The following MEP1A variants were observed in gnomAD, a reference collection of about 807,000 sequenced individuals.
The protein encoded by MEP1A is N-benzoyl-L-tyrosyl-P-amino-benzoic acid hydrolase subunit alpha.
Under a neutral mutation model 84.5 loss-of-function variants are expected in MEP1A, and 68 were observed. The ratio of observed to expected loss-of-function variants is 0.80; its 90% confidence interval spans 0.66 to 0.98. The LOEUF is 0.98. Ranked by LOEUF, MEP1A falls within the 50% of genes least tolerant of loss-of-function variation. The pLI is 0.00. For missense variants in MEP1A, 887 were observed against 919.9 expected (o/e 0.96, Z 0.46); for synonymous variants, 337 against 336.8 (o/e 1.00, Z -0.01).
At chr6:46,809,307 A>G (rs1767434189) in intron 5 of MEP1A, 113 bp from the exon 6 acceptor site, 1 of 670,992 alleles carries the variant, frequency 1.5e-6, no homozygotes, top group Non-Finnish European at 2.4e-6. Context: ...CAAAAACCCT[A>G]TCATGCACCT....
At chr6:46,845,276 C>T in the MEP1A span, among the ~76,000 whole-genome samples, 2 of 152,188 alleles carry the variant, frequency 1.3e-5, no homozygotes, top group South Asian at 4.1e-4. Context: ...CCTGCAGTCC[C>T]TTCCTCTATC....
chr6:46,807,835 GA>G (rs1341490608), intron 5 of MEP1A, among the ~76,000 whole-genome samples: 21 of 126,688 alleles, frequency 1.7e-4, no homozygotes, highest in Middle Eastern at 3.8e-3. Flanking sequence ...AAGAAAGAAA[GA>G]AAGGAAGAAA....
At chr6:46,834,980 C>T (rs1286324111) in intron 12 of MEP1A, among the ~76,000 whole-genome samples, 2 of 152,092 alleles carry the variant, frequency 1.3e-5, no homozygotes, top group Non-Finnish European at 2.9e-5. Flanking sequence ...CAGAGGTAAC[C>T]GTTCACTGAT....
chr6:46,841,388 T>A (rs1370191169), downstream of MEP1A, among the ~76,000 whole-genome samples: 1 of 152,214 alleles, frequency 6.6e-6, no homozygotes, highest in African/African-American at 2.4e-5. Flanking sequence ...GACATGTTAT[T>A]CAGCTTTTCT....
chr6:46,817,148 GT>G (rs1767659698), intron 6 of MEP1A, among the ~76,000 whole-genome samples: 1 of 152,202 alleles, frequency 6.6e-6, no homozygotes, highest in Admixed American at 6.5e-5. Context: ...CTGTGAAAAA[GT>G]GTATTTATCA....
chr6:46,822,635 C>T (rs1176633896), intron 7 of MEP1A, among the ~76,000 whole-genome samples: 1 of 152,134 alleles, frequency 6.6e-6, no homozygotes, highest in African/African-American at 2.4e-5. Flanking sequence ...CCTCCACCTC[C>T]TGGGTTCAAG....
intron 9 of MEP1A, among the ~76,000 whole-genome samples, chr6:46,828,851 C>T (rs1185284961): frequency 1.3e-5 from 2 of 152,030 alleles, no homozygotes; most frequent in East Asian, 1.9e-4. Flanking sequence ...GTAAAGATTA[C>T]TTTTTTGCCA....
chr6:46,825,240 T>C, intron 7 of MEP1A, 32 bp from the exon 8 acceptor site: 1 of 1,464,484 alleles, frequency 6.8e-7, no homozygotes, highest in Non-Finnish European at 9.4e-7. Context: ...ATAACATGAC[T>C]GAGAAGGACC....
At chr6:46,843,108 C>T (rs1768362083), downstream of MEP1A, among the ~76,000 whole-genome samples, 1 of 152,186 alleles carries the variant, frequency 6.6e-6, no homozygotes, top group African/African-American at 2.4e-5. Flanking sequence ...GGTTTCTGAA[C>T]CTCAGCCCTG....
At chr6:46,802,560 T>C (rs901070223) in intron 5 of MEP1A, among the ~76,000 whole-genome samples, 1 of 151,904 alleles carries the variant, frequency 6.6e-6, no homozygotes, top group African/African-American at 2.4e-5. Flanking sequence ...TTACACCATA[T>C]ATTGCTTTTT....
At chr6:46,821,314 GACCATCTTACCACCA>G (rs1361956810) in intron 7 of MEP1A, among the ~76,000 whole-genome samples, 1 of 152,082 alleles carries the variant, frequency 6.6e-6, no homozygotes, top group Non-Finnish European at 1.5e-5. Flanking sequence ...CACATACTCC[GACCATCTTACCACCA>G]CCCACTGAAC....
chr6:46,801,429 G>A (rs893261453), intron 5 of MEP1A, among the ~76,000 whole-genome samples: 2 of 151,990 alleles, frequency 1.3e-5, no homozygotes, highest in African/African-American at 4.8e-5. Flanking sequence ...TTTTACGAGG[G>A]TCTGTCCAAC....
chr6:46,829,649 C>T, intron 10 of MEP1A, 78 bp downstream of exon 10: 2 of 979,270 alleles, frequency 2.0e-6, no homozygotes, highest in Non-Finnish European at 3.3e-6. Context: ...TCCCTCTTTC[C>T]TCCTACTCCT....
chr6:46,841,493 G>C (rs536737238), downstream of MEP1A, among the ~76,000 whole-genome samples: 230 of 152,266 alleles, frequency 1.5e-3, no homozygotes, highest in Non-Finnish European at 1.2e-3. Context: ...TGTAGGGTGG[G>C]GAGTAGGTAG....
chr6:46,798,720 G>A, intron 4 of MEP1A, 74 bp downstream of exon 4: 2 of 1,309,272 alleles, frequency 1.5e-6, no homozygotes. Flanking sequence ...CTGCTCTGCG[G>A]CCAGCCCTGG....
chr6:46,815,482 T>G (rs549343493), intron 6 of MEP1A, among the ~76,000 whole-genome samples: 6 of 152,326 alleles, frequency 3.9e-5, no homozygotes, highest in African/African-American at 1.4e-4. Context: ...TCCAGTCGTC[T>G]GGTGACCAAG....
chr6:46,830,117 G>A (rs757665907), intron 10 of MEP1A, among the ~76,000 whole-genome samples: 2 of 151,750 alleles, frequency 1.3e-5, no homozygotes, highest in East Asian at 1.9e-4. Context: ...GCATGGTGGC[G>A]CGCGCGCATG....
At chr6:46,827,113 G>A (rs1019509327) in intron 9 of MEP1A, among the ~76,000 whole-genome samples, 3 of 152,198 alleles carry the variant, frequency 2.0e-5, no homozygotes, top group African/African-American at 7.2e-5. Flanking sequence ...CATAGGTTTG[G>A]TAGCCACTGT....
chr6:46,797,293 T>A (rs1445475299), intron 3 of MEP1A, among the ~76,000 whole-genome samples: 1 of 152,330 alleles, frequency 6.6e-6, no homozygotes, highest in Admixed American at 6.5e-5. Flanking sequence ...CTGTCTGAAG[T>A]TGTTGCATTT....
Sources: gnomAD v4.1 joint callset for allele counts (sites outside exome capture counted in the v4.1 genomes callset) on GRCh38, gnomAD v4.1.1 for gene constraint, MANE v1.5 for transcripts, NCBI Gene and HGNC (gene_info 2026-07-23, HGNC 2026-07-21) for gene names.